Variants in DIS3L2 observed in about 807,000 individuals in gnomAD.
DIS3L2 encodes DIS3-like exonuclease 2.
A neutral mutation model predicts 97.5 loss-of-function variants in DIS3L2; 34 were observed. The ratio of observed to expected loss-of-function variants is 0.35; its 90% CI spans 0.27 to 0.46. The LOEUF (loss-of-function observed/expected upper bound fraction) is 0.46. DIS3L2 is among the 20% of genes least tolerant of loss of function. DIS3L2 has a pLI of 1.00. For synonymous variants in DIS3L2, 435 were observed against 445.2 expected, an observed-to-expected ratio of 0.98 and a Z score of 0.29; for missense variants, 1,038 against 1,146.0, an observed-to-expected ratio of 0.91 and a Z score of 1.36.
chr2:232,149,585 C>G (rs1339005923), intron 8 of DIS3L2, among the ~76,000 whole-genome samples: 1 of 144,988 alleles, frequency 6.9e-6, no homozygotes, highest in Non-Finnish European at 1.5e-5. Context: ...TTTTCTTAAT[C>G]CAGTCTATCA....
chr2:232,220,059 G>A (rs987302361), intron 10 of DIS3L2, among the ~76,000 whole-genome samples: 3 of 151,598 alleles, frequency 2.0e-5, no homozygotes, highest in African/African-American at 4.9e-5. Context: ...CTCACTTAAC[G>A]CCAAGAGTTC....
chr2:232,096,385 G>A (rs1341935896), intron 6 of DIS3L2, among the ~76,000 whole-genome samples: 1 of 152,126 alleles, frequency 6.6e-6, no homozygotes, highest in East Asian at 1.9e-4. Flanking sequence ...TGCACCCAGC[G>A]CCTTGGGGTA....
At chr2:232,155,476 G>A (rs926536256) in intron 8 of DIS3L2, among the ~76,000 whole-genome samples, 1 of 152,080 alleles carries the variant, frequency 6.6e-6, no homozygotes, top group African/African-American at 2.4e-5. Context: ...CTGAGTTCTT[G>A]TATTTAGAAA....
At chr2:232,057,441 C>T (rs111692867) in intron 5 of DIS3L2, among the ~76,000 whole-genome samples, 5 of 152,232 alleles carry the variant, frequency 3.3e-5, no homozygotes, top group South Asian at 2.1e-4. Flanking sequence ...CCCTAATCAG[C>T]TGACTTTAAG....
At position 232,122,454 on chromosome 2, in the gene DIS3L2, C is replaced by T. The variant is rs577975208; in HGVS notation, c.602-8165C>T. ...GCTACAGGCCAGGCACGGTGGCTCACGCCTGTAATCCCAGCATTTTGGAAG... is the reference window on the plus strand; with the variant it reads ...GCTACAGGCCAGGCACGGTGGCTCATGCCTGTAATCCCAGCATTTTGGAAG... On this transcript the variant is annotated intron_variant, in intron 6 of 20. Transcript: ENST00000325385. Among the ~76,000 whole-genome samples the T allele has an allele frequency of 4.0e-3, 611 of 152,288 alleles. 3 individuals are homozygous for T. The highest frequency in any genetic ancestry group is 0.014 in the African/African-American group (563 of 41,568).
chr2:232,330,832 C>T, intron 16 of DIS3L2, 56 bp downstream of exon 16: 1 of 1,533,250 alleles, frequency 6.5e-7, no homozygotes, highest in Non-Finnish European at 8.9e-7. Flanking sequence ...TAGCCCCAGA[C>T]CTGTGACCTC....
intron 5 of DIS3L2, among the ~76,000 whole-genome samples, chr2:232,070,970 A>G (rs894750532): frequency 6.6e-6 from 1 of 152,174 alleles, no homozygotes; most frequent in African/African-American, 2.4e-5. Context: ...TGATTCAAAC[A>G]TGGGAACAGT....
At chr2:232,302,674 C>A (rs1392363505) in intron 14 of DIS3L2, among the ~76,000 whole-genome samples, 3 of 151,842 alleles carry the variant, frequency 2.0e-5, no homozygotes, top group Non-Finnish European at 4.4e-5. Context: ...GATTCTCCTG[C>A]CTCAGCCTCC....
At chr2:231,996,108 A>T (rs1693723623) in intron 1 of DIS3L2, among the ~76,000 whole-genome samples, 1 of 152,262 alleles carries the variant, frequency 6.6e-6, no homozygotes, top group South Asian at 2.1e-4. Context: ...AGGTCAACTA[A>T]GATCAAGACT....
At chr2:232,295,341 T>TA (rs143395206) in intron 13 of DIS3L2, among the ~76,000 whole-genome samples, 2,980 of 152,264 alleles carry the variant, frequency 0.02, 92 homozygotes, top group African/African-American at 0.068. Flanking sequence ...GGAAAGAACC[T>TA]AAAAAATCAT....
chr2:232,174,523 C>A (rs1691090676), intron 9 of DIS3L2, among the ~76,000 whole-genome samples: 1 of 137,092 alleles, frequency 7.3e-6, no homozygotes, highest in Non-Finnish European at 1.5e-5. Flanking sequence ...GAGGTGGAGG[C>A]AGCAGTGAGC....
chr2:232,055,855 C>CAG (rs1559580015), intron 5 of DIS3L2, among the ~76,000 whole-genome samples: 1 of 152,192 alleles, frequency 6.6e-6, no homozygotes, highest in Non-Finnish European at 1.5e-5. Context: ...GAACAGTGCA[C>CAG]TGCAGTGGAG....
intron 5 of DIS3L2, among the ~76,000 whole-genome samples, chr2:232,057,842 C>T (rs1432932170): frequency 6.6e-6 from 1 of 152,146 alleles, no homozygotes; most frequent in Non-Finnish European, 1.5e-5. Flanking sequence ...TCTGTTTCCT[C>T]ATCTTGGTTA....
At chr2:232,030,896 G>A (rs1694787895) in intron 5 of DIS3L2, among the ~76,000 whole-genome samples, 1 of 151,736 alleles carries the variant, frequency 6.6e-6, no homozygotes. Flanking sequence ...CATATCATTT[G>A]TTTTATTTGG....
At chr2:232,181,565 C>T (rs1691269508) in intron 9 of DIS3L2, among the ~76,000 whole-genome samples, 1 of 152,162 alleles carries the variant, frequency 6.6e-6, no homozygotes, top group South Asian at 2.1e-4. Context: ...TCATTCACTT[C>T]ATCTTCCATC....
At chr2:231,971,380 G>A (rs1692903572) in intron 1 of DIS3L2, among the ~76,000 whole-genome samples, 1 of 151,874 alleles carries the variant, frequency 6.6e-6, no homozygotes, top group Non-Finnish European at 1.5e-5. Context: ...CCGGGTTCAA[G>A]TGATTCTCCT....
At chr2:232,004,308 G>A (rs577581028) in intron 1 of DIS3L2, among the ~76,000 whole-genome samples, 26 of 152,158 alleles carry the variant, frequency 1.7e-4, no homozygotes, top group African/African-American at 5.5e-4. Flanking sequence ...CCTGACTTCC[G>A]GTCATCGACC....
chr2:232,001,557 C>CT (rs57766848), intron 1 of DIS3L2, among the ~76,000 whole-genome samples: 3,282 of 61,746 alleles, frequency 0.053, 297 homozygotes, highest in African/African-American at 0.19. Flanking sequence ...TGCCATTTGT[C>CT]TTTTTTTTTT....
intron 12 of DIS3L2, chr2:232,260,302 C>G (rs193229060): frequency 6.3e-4 from 96 of 152,348 alleles, no homozygotes; most frequent in African/African-American, 2.3e-3. Context: ...AGGTCATGGC[C>G]CTGTCATTCC....
Sources: allele counts gnomAD v4.1 joint callset (sites outside exome capture counted in the v4.1 genomes callset), GRCh38; gene constraint gnomAD v4.1.1; transcripts MANE v1.5; gene names NCBI Gene and HGNC (gene_info 2026-07-23, HGNC 2026-07-21).